The following MGAT4C variants were observed in gnomAD, a reference collection of about 807,000 sequenced individuals.
MGAT4C encodes MGAT4 family member C, also known as alpha-1,3-mannosyl-glycoprotein 4-beta-N-acetylglucosaminyltransferase C.
Under a neutral mutation model 40.1 loss-of-function variants are expected in MGAT4C, and 19 were observed. The ratio of observed to expected loss-of-function variants is 0.47; its 90% confidence interval spans 0.33 to 0.70. The LOEUF (loss-of-function observed/expected upper bound fraction) is 0.70. Ranked by LOEUF, MGAT4C falls within the 30% of genes least tolerant of loss-of-function variation. The pLI is 0.02. For synonymous variants in MGAT4C, 181 were observed against 187.1 expected (o/e 0.97, Z 0.27); for missense variants, 491 against 563.2 (o/e 0.87, Z 1.30).
At chr12:86,611,682 T>C (rs1467290737) in intron 2 of MGAT4C, among the ~76,000 whole-genome samples, 1 of 152,182 alleles carries the variant, frequency 6.6e-6, no homozygotes, top group Non-Finnish European at 1.5e-5. Context: ...TAGTTCAATA[T>C]AGAAAATTGC....
intron 4 of MGAT4C, among the ~76,000 whole-genome samples, chr12:86,285,191 A>G (rs1953321392): frequency 6.6e-6 from 1 of 151,986 alleles, no homozygotes. Flanking sequence ...TCGGCTTCCT[A>G]TAGATATTAG....
intron 3 of MGAT4C, among the ~76,000 whole-genome samples, chr12:86,347,124 G>A (rs776755478): frequency 1.3e-5 from 2 of 152,040 alleles, no homozygotes; most frequent in East Asian, 1.9e-4. Context: ...AATTGCAGAC[G>A]GCCTATGGTG....
intron 1 of MGAT4C, among the ~76,000 whole-genome samples, chr12:86,175,178 T>G (rs1255963170): frequency 1.3e-5 from 2 of 152,132 alleles, no homozygotes; most frequent in East Asian, 3.9e-4. Flanking sequence ...TACGATATAA[T>G]CAAGTTTTTG....
chr12:86,522,372 T>C (rs1958809933), intron 2 of MGAT4C, among the ~76,000 whole-genome samples: 1 of 152,184 alleles, frequency 6.6e-6, no homozygotes, highest in Non-Finnish European at 1.5e-5. Flanking sequence ...TGTGATTTTG[T>C]CTTTAGTTCT....
chr12:86,136,010 A>G (rs1394463003), intron 1 of MGAT4C, among the ~76,000 whole-genome samples: 2 of 152,202 alleles, frequency 1.3e-5, no homozygotes, highest in Non-Finnish European at 2.9e-5. Context: ...TGGTTTCTTC[A>G]GAACAACTCA....
chr12:86,673,388 G>T (rs531757359), intron 2 of MGAT4C, among the ~76,000 whole-genome samples: 2 of 151,960 alleles, frequency 1.3e-5, no homozygotes, highest in African/African-American at 4.8e-5. Context: ...GAAAGCACCC[G>T]TATCATATAT....
At chr12:86,001,541 T>G (rs929955126) in intron 2 of MGAT4C, 1 of 709,958 alleles carries the variant, frequency 1.4e-6, no homozygotes, top group Non-Finnish European at 1.7e-6. Context: ...GATGAGCCAT[T>G]GGTGATTTCG....
At chr12:86,010,295 A>C (rs1017892193) in intron 2 of MGAT4C, among the ~76,000 whole-genome samples, 3 of 152,224 alleles carry the variant, frequency 2.0e-5, no homozygotes, top group African/African-American at 7.2e-5. Flanking sequence ...CTACTTAAAC[A>C]AAACTGCAAG....
intron 1 of MGAT4C, among the ~76,000 whole-genome samples, chr12:86,236,443 C>A (rs1951549255): frequency 6.6e-6 from 1 of 151,900 alleles, no homozygotes; most frequent in African/African-American, 2.4e-5. Flanking sequence ...ACATTATAAG[C>A]AAAAATCAGG....
At chr12:86,028,229 T>C (rs2136893946) in intron 2 of MGAT4C, 1 of 1,227,244 alleles carries the variant, frequency 8.1e-7, no homozygotes, top group East Asian at 5.7e-5. Flanking sequence ...AAGTTCAAAA[T>C]CTTTTTCATT....
At chr12:86,223,325 C>A (rs1371401980) in intron 1 of MGAT4C, among the ~76,000 whole-genome samples, 3 of 152,200 alleles carry the variant, frequency 2.0e-5, no homozygotes, top group African/African-American at 7.2e-5. Flanking sequence ...CCATTCTGAG[C>A]CCAGTTTCCA....
intron 2 of MGAT4C, among the ~76,000 whole-genome samples, chr12:86,603,862 C>T (rs4447238): frequency 0.88 from 127,034 of 143,860 alleles, 56,722 homozygotes; most frequent in South Asian, 0.97. Context: ...TTGAAATTTG[C>T]GAAGAGAGTA....
intron 1 of MGAT4C, among the ~76,000 whole-genome samples, chr12:86,786,226 G>A (rs563367748): frequency 9.2e-4 from 140 of 152,196 alleles, no homozygotes; most frequent in African/African-American, 3.3e-3. Context: ...GAACATTTAT[G>A]CATAAAGTGC....
At chr12:86,311,644 G>A (rs569144658) in intron 4 of MGAT4C, among the ~76,000 whole-genome samples, 167 of 152,248 alleles carry the variant, frequency 1.1e-3, no homozygotes, top group Middle Eastern at 6.8e-3. Context: ...AAGAAGCCCC[G>A]TGTTTAGGGT....
chr12:86,652,892 T>A (rs1322877362), intron 2 of MGAT4C, among the ~76,000 whole-genome samples: 2 of 151,900 alleles, frequency 1.3e-5, no homozygotes, highest in African/African-American at 4.8e-5. Context: ...TGGGCATTAT[T>A]TTATAATAAA....
At chr12:86,266,524 T>C (rs1255486465) in intron 4 of MGAT4C, among the ~76,000 whole-genome samples, 1 of 152,148 alleles carries the variant, frequency 6.6e-6, no homozygotes, top group African/African-American at 2.4e-5. Context: ...TGATATGCTG[T>C]TGTATTTGGT....
chr12:86,684,502 G>A (rs1348129651), intron 2 of MGAT4C, among the ~76,000 whole-genome samples: 1 of 152,184 alleles, frequency 6.6e-6, no homozygotes, highest in Non-Finnish European at 1.5e-5. Flanking sequence ...ATGTGTGTAT[G>A]TGTCTTTATA....
chr12:86,077,276 G>T (rs1360832344), intron 1 of MGAT4C, among the ~76,000 whole-genome samples: 1 of 152,060 alleles, frequency 6.6e-6, no homozygotes, highest in East Asian at 1.9e-4. Context: ...AAAATAATAA[G>T]TTCATAATAA....
chr12:86,092,497 TA>T (rs756170016), intron 1 of MGAT4C, among the ~76,000 whole-genome samples: 5 of 152,118 alleles, frequency 3.3e-5, no homozygotes, highest in South Asian at 4.1e-4. Context: ...TCTAAAACAC[TA>T]AAAAAAGACG....
Sources: gnomAD v4.1 joint callset for allele counts (sites outside exome capture counted in the v4.1 genomes callset) on GRCh38, gnomAD v4.1.1 for gene constraint, MANE v1.5 for transcripts, NCBI Gene and HGNC (gene_info 2026-07-23, HGNC 2026-07-21) for gene names.